SPCS1: variants seen among roughly 807,000 people sequenced by gnomAD.
The protein encoded by SPCS1 is signal peptidase complex subunit 1.
A neutral mutation model predicts 16.4 loss-of-function variants in SPCS1; 10 were observed. The ratio of observed to expected loss-of-function variants is 0.61; its 90% confidence interval spans 0.38 to 1.03. The LOEUF is 1.03. SPCS1 is among the 50% of genes least tolerant of loss of function. SPCS1 has a pLI of 0.01. For missense variants in SPCS1, 118 were observed against 123.8 expected, an observed-to-expected ratio of 0.95 and a Z score of 0.22; for synonymous variants, 47 against 42.5, an observed-to-expected ratio of 1.10 and a Z score of -0.41.
At chr3:52,706,573 G>A in intron 1 of SPCS1, 71 bp from the exon 2 acceptor site, 1 of 1,416,664 alleles carries the variant, frequency 7.1e-7, no homozygotes. Flanking sequence ...TGCCAGAGTT[G>A]TGAGGTCAGG....
chr3:52,707,772 C>T lies in SPCS1; in HGVS notation c.269C>T (p.Pro90Leu). 1 of 1,614,004 alleles carries T rather than the reference C, an allele frequency of 6.2e-7. No individual in the cohort carries two copies. The highest frequency in any genetic ancestry group is 8.5e-7 in the Non-Finnish European group (1 of 1,179,990). ...GAATCAAGCACAGACGACAAGAAAC[C>T]AGGGGAAAGAAAAATTAAGAGGCAT... ...VQESSTDDKK[P>L]GERKIKRHAK... Residue 90 changes from proline (P) to leucine (L), a missense_variant, in exon 4 of 4, where the codon CCA (proline) becomes CTA (leucine). Pro to Leu is a moderately conservative substitution (Grantham distance 98). Transcript: ENST00000619898.
At chr3:52,707,006 C>A in intron 3 of SPCS1, 127 bp downstream of exon 3, 1 of 746,642 alleles carries the variant, frequency 1.3e-6, no homozygotes. Context: ...TTTCCCTTTG[C>A]TATCATTGGA....
chr3:52,706,385 A>G, intron 1 of SPCS1, 103 bp downstream of exon 1: 1 of 1,285,456 alleles, frequency 7.8e-7, no homozygotes, highest in Non-Finnish European at 1.1e-6. Context: ...CCGGGCCCGG[A>G]TGGTTACCGT....
At chr3:52,707,374 T>C in intron 3 of SPCS1, 1 of 247,610 alleles carries the variant, frequency 4.0e-6, no homozygotes, top group Non-Finnish European at 7.8e-6. Flanking sequence ...TTCACTGTGT[T>C]GGCCAGGCTG....
chr3:52,707,043 A>G (rs1425265790), intron 3 of SPCS1, 164 bp downstream of exon 3: 2 of 659,182 alleles, frequency 3.0e-6, no homozygotes, highest in African/African-American at 3.6e-5. Context: ...ATAGTGTCAG[A>G]TGGTGCGAAC....
intron 3 of SPCS1, chr3:52,707,453 G>C (rs551874912): frequency 5.0e-6 from 2 of 402,352 alleles, no homozygotes; most frequent in East Asian, 8.7e-5. Context: ...ACCACGCCTG[G>C]CCCCCACCTT....
chr3:52,706,382 C>G, intron 1 of SPCS1, 100 bp downstream of exon 1: 2 of 1,308,806 alleles, frequency 1.5e-6, no homozygotes, highest in South Asian at 1.4e-5. Flanking sequence ...GTTCCGGGCC[C>G]GGATGGTTAC....
At position 52,706,677 on chromosome 3, in the gene SPCS1, T is replaced by A; in HGVS notation, c.70T>A (p.Phe24Ile). Residue 24 changes from phenylalanine (F) to isoleucine (I), a missense_variant, in exon 2 of 4, where the codon TTT becomes ATT. By Grantham distance (21) the Phe-to-Ile change is conservative. Transcript: ENST00000619898. ...YKGQKLAEQM[F>I]QGIILFSAIV... The stretch of plus-strand genomic sequence containing the variant: ...GGGCCAGAAGCTAGCTGAACAGATG[T>A]TTCAGGGAATTATTCTTTTTTCTGC... The A allele has an allele frequency of 6.2e-7, 1 of 1,614,114 alleles. No homozygotes were observed. Among genetic ancestry groups the A allele is most frequent in the Non-Finnish European group, 8.5e-7 (1 of 1,179,986 alleles).
Position 52,707,747 on chromosome 3 carries a change from G to C in SPCS1, c.244G>C (p.Glu82Gln). 1 of 1,614,106 alleles carries C rather than the reference G, an allele frequency of 6.2e-7. No homozygotes were observed. The highest frequency in any genetic ancestry group is 8.5e-7 in the Non-Finnish European group (1 of 1,180,006). The change falls in exon 4 of 4, where the codon GAA becomes CAA. Residue 82 changes from glutamate (E) to glutamine (Q), a missense_variant. Glu to Gln is a conservative substitution (Grantham distance 29, BLOSUM62 2). Coordinates refer to ENST00000619898, the MANE Select transcript of SPCS1 (RefSeq NM_014041.5). ...RHPLKWLPVQ[E>Q]SSTDDKKPGE... is the part of the protein sequence containing the mutation. Reference sequence around the variant, plus strand: ...TCCTCTCAAGTGGTTACCTGTTCAAGAATCAAGCACAGACGACAAGAAACC... The same window carrying C: ...TCCTCTCAAGTGGTTACCTGTTCAACAATCAAGCACAGACGACAAGAAACC...
At position 52,706,148 on chromosome 3, in the gene SPCS1, G is replaced by A. The variant is rs747204603; in HGVS notation, c.-99G>A. ...GGGCTTAGAAGGCCCGGCTACTGAC[G>A]CGCAGTGCCAGACCTTACCCCTCAC... On this transcript the variant is annotated 5_prime_UTR_variant, in exon 1 of 4. Transcript: ENST00000619898. 1.9e-5 allele frequency: 29 copies of A among 1,542,306 alleles called. No individual in the cohort carries two copies. The highest frequency in any genetic ancestry group is 1.7e-5 in the Non-Finnish European group (20 of 1,147,718).
chr3:52,708,707 A>G lies in SPCS1; in HGVS notation c.*895A>G, dbSNP rs1385624308. On this transcript the variant is annotated 3_prime_UTR_variant, in exon 4 of 4. Transcript: ENST00000619898. ...AACATTTCACCTTTATTGAATGCCT[A>G]TAAGGCCATTTGAATAACGGATCAT... is the stretch of plus-strand genomic sequence containing the variant. The G allele has an allele frequency of 2.6e-5, 4 of 152,188 alleles. No homozygotes were observed. Among genetic ancestry groups the G allele is most frequent in the African/African-American group, 4.8e-5 (2 of 41,446 alleles). The allele number at this position is 152,188 out of a possible 1,614,324, so 9.4% of individuals were successfully genotyped here. A position where few individuals can be genotyped will look rare whatever the true frequency, so the allele number is the denominator to read the frequency against.
chr3:52,707,718 G>A lies in SPCS1; in HGVS notation c.215G>A (p.Arg72Gln), dbSNP rs1440705538. The stretch of plus-strand genomic sequence containing the variant: ...CTTCCTCCATGGCCCATCTATCGCC[G>A]GCATCCTCTCAAGTGGTTACCTGTT... ...LTLPPWPIYR[R>Q]HPLKWLPVQE... The change falls in exon 4 of 4, where the codon CGG becomes CAG. Residue 72 changes from arginine (R) to glutamine (Q), a missense_variant. Coordinates refer to ENST00000619898, the MANE Select transcript of SPCS1 (RefSeq NM_014041.5). 1 of 1,613,766 alleles carries A rather than the reference G, an allele frequency of 6.2e-7. No homozygotes were observed. The highest frequency in any genetic ancestry group is 8.5e-7 in the Non-Finnish European group (1 of 1,179,858).
rs971210947 is a variant in SPCS1, at chr3:52,706,625, T to C, written c.37-19T>C. 9.3e-6 allele frequency: 15 copies of C among 1,612,852 alleles called. No individual in the cohort carries two copies. The highest frequency in any genetic ancestry group is 1.3e-5 in the African/African-American group (1 of 75,002). On this transcript the variant is annotated intron_variant, in intron 1 of 3. Coordinates refer to ENST00000619898, the MANE Select transcript of SPCS1 (RefSeq NM_014041.5). ...CTCGGCGGTGGAACCAATTCTTTTT[T>C]TCCTCTGCTTCACCCCAGGATTACA... is the stretch of plus-strand genomic sequence containing the variant.
Position 52,707,364 on chromosome 3 carries a change from T to C in SPCS1, c.184-323T>C, listed in dbSNP as rs984115423. ...TTTGTATTTTTAGTAAAGACAGGGC[T>C]TCACTGTGTTGGCCAGGCTGGTCTC... On this transcript the variant is annotated intron_variant, in intron 3 of 3. Coordinates refer to ENST00000619898, the MANE Select transcript of SPCS1 (RefSeq NM_014041.5). 1.7e-5 allele frequency: 4 copies of C among 232,706 alleles called. No individual in the cohort carries two copies. In the South Asian group the frequency reaches 2.8e-4, roughly 16 times the overall value. The allele number at this position is 232,706 out of a possible 1,614,324, so 14.4% of individuals were successfully genotyped here.
intron 1 of SPCS1, 83 bp from the exon 2 acceptor site, chr3:52,706,561 T>C: frequency 7.6e-7 from 1 of 1,308,134 alleles, no homozygotes; most frequent in Non-Finnish European, 1.1e-6. Context: ...GGGGTTACCC[T>C]GTGCCAGAGT....
chr3:52,706,951 T>A, intron 3 of SPCS1, 72 bp downstream of exon 3: 1 of 1,057,392 alleles, frequency 9.5e-7, no homozygotes, highest in Non-Finnish European at 1.5e-6. Context: ...ACCTACTCAG[T>A]AGTGAGACCC....
At position 52,707,716 on chromosome 3, in the gene SPCS1, C is replaced by G. The variant is rs1021089002; in HGVS notation, c.213C>G (p.Arg71=). The G allele has an allele frequency of 6.2e-7, 1 of 1,614,030 alleles. No homozygotes were observed. The change falls in exon 4 of 4, where the codon CGC becomes CGG. Residue 71 remains arginine, a synonymous_variant. Coordinates refer to ENST00000619898, the MANE Select transcript of SPCS1 (RefSeq NM_014041.5). ...LLTLPPWPIY[R]RHPLKWLPVQ... ...CACTTCCTCCATGGCCCATCTATCG[C>G]CGGCATCCTCTCAAGTGGTTACCTG...
Position 52,707,732 on chromosome 3 carries a change from T to A in SPCS1, c.229T>A (p.Trp77Arg). The A allele has an allele frequency of 6.2e-7, 1 of 1,614,070 alleles. No homozygotes were observed. Among genetic ancestry groups the A allele is most frequent in the Non-Finnish European group, 8.5e-7 (1 of 1,180,016 alleles). ...WPIYRRHPLKWLPVQESSTDD... is the reference protein window; with the variant it reads ...WPIYRRHPLKRLPVQESSTDD... ...CATCTATCGCCGGCATCCTCTCAAG[T>A]GGTTACCTGTTCAAGAATCAAGCAC... Residue 77 changes from tryptophan to arginine, a missense_variant, in exon 4 of 4, where the codon TGG (tryptophan) becomes AGG (arginine). Physicochemically the swap from Trp to Arg is moderately radical, Grantham distance 101. Coordinates refer to ENST00000619898, the MANE Select transcript of SPCS1 (RefSeq NM_014041.5).
Position 52,710,251 on chromosome 3 carries a change from G to T in SPCS1, c.*2439G>T, listed in dbSNP as rs1345761856. The T allele has an allele frequency of 6.6e-6, 1 of 152,046 alleles. No individual in the cohort carries two copies. Among genetic ancestry groups the T allele is most frequent in the Non-Finnish European group, 1.5e-5 (1 of 68,058 alleles). 9.4% of individuals were successfully genotyped at this position (152,046 alleles called of 1,614,324 possible). On this transcript the variant is annotated 3_prime_UTR_variant, in exon 4 of 4. Coordinates refer to ENST00000619898, the MANE Select transcript of SPCS1 (RefSeq NM_014041.5). ...ATGGTGGCGGGCAACTGTAGTCCCA[G>T]CTACTCGAGAGGATGAGGTAGGAGA...
Sources: allele counts gnomAD v4.1 joint callset, GRCh38; gene constraint gnomAD v4.1.1; transcripts MANE v1.5; gene names NCBI Gene and HGNC (gene_info 2026-07-23, HGNC 2026-07-21).